The following SAMD12 variants were observed in gnomAD, a reference collection of about 807,000 sequenced individuals.
The protein encoded by SAMD12 is sterile alpha motif domain containing 12.
A neutral mutation model predicts 15.0 loss-of-function variants in SAMD12; 9 were observed. The ratio of observed to expected loss-of-function variants is 0.60; its 90% CI spans 0.36 to 1.05. The LOEUF (loss-of-function observed/expected upper bound fraction) is 1.05, where lower values mean the gene tolerates loss of function less well. SAMD12 is among the 50% of genes least tolerant of loss of function. The pLI is 0.01. For synonymous variants in SAMD12, 86 were observed against 90.1 expected (o/e 0.96, Z 0.25); for missense variants, 230 against 234.2 (o/e 0.98, Z 0.12).
chr8:118,234,965 TTG>T (rs1223035590), intron 4 of SAMD12, among the ~76,000 whole-genome samples: 4 of 152,170 alleles, frequency 2.6e-5, no homozygotes, highest in Non-Finnish European at 5.9e-5. Flanking sequence ...AAAATGTTCA[TTG>T]TTTGGCTGAT....
chr8:118,456,252 G>A (rs1823247055), intron 2 of SAMD12, among the ~76,000 whole-genome samples: 1 of 152,132 alleles, frequency 6.6e-6, no homozygotes, highest in Non-Finnish European at 1.5e-5. Context: ...TTTCTCAGAT[G>A]TTCTTGTGGC....
chr8:118,333,008 T>C (rs1449591201), intron 4 of SAMD12, among the ~76,000 whole-genome samples: 1 of 152,194 alleles, frequency 6.6e-6, no homozygotes, highest in Non-Finnish European at 1.5e-5. Flanking sequence ...AACATGGGAC[T>C]CTTGCAGGCA....
At chr8:118,538,505 G>A (rs560979114) in intron 2 of SAMD12, among the ~76,000 whole-genome samples, 1 of 152,132 alleles carries the variant, frequency 6.6e-6, no homozygotes, top group Non-Finnish European at 1.5e-5. Flanking sequence ...GTTGAGTTCT[G>A]CCTGGTATTG....
At chr8:118,281,762 C>A (rs1004530393) in intron 4 of SAMD12, among the ~76,000 whole-genome samples, 1 of 152,146 alleles carries the variant, frequency 6.6e-6, no homozygotes, top group Non-Finnish European at 1.5e-5. Flanking sequence ...GGTCCTCTAC[C>A]AAGTATGATT....
At chr8:118,515,163 C>A (rs941239593) in intron 2 of SAMD12, among the ~76,000 whole-genome samples, 1 of 150,300 alleles carries the variant, frequency 6.7e-6, no homozygotes, top group Non-Finnish European at 1.5e-5. Flanking sequence ...GGACTATAGG[C>A]GCCCGCCACC....
intron 2 of SAMD12, among the ~76,000 whole-genome samples, chr8:118,578,469 C>A (rs924458169): frequency 1.3e-5 from 2 of 152,126 alleles, no homozygotes. Context: ...TACTGAATGG[C>A]TTTAGAGGTA....
chr8:118,364,062 T>G (rs963951316), intron 4 of SAMD12, among the ~76,000 whole-genome samples: 1 of 152,208 alleles, frequency 6.6e-6, no homozygotes, highest in African/African-American at 2.4e-5. Context: ...TCTGAGACTT[T>G]AATGGTTTCC....
In SAMD12 at chr8:118,463,665, C is replaced by T. The variant is rs1395681996; in HGVS notation, c.193-23704G>A. 2.0e-5 allele frequency among the ~76,000 whole-genome samples: 3 copies of T among 152,162 alleles called. No individual in the cohort carries two copies. In the South Asian group the frequency reaches 6.2e-4, roughly 32 times the overall value. ...CTAGGCTGCTCCAACAAAGGCTAAG[C>T]CGGAAAAAACCCAGGTGGCAAAATC... is the stretch of plus-strand genomic sequence containing the variant. On this transcript the variant is annotated intron_variant, in intron 2 of 3. Coordinates refer to ENST00000314727, the MANE Select transcript of SAMD12 (RefSeq NM_207506.3).
Position 118,528,076 on chromosome 8 carries a change from G to C in SAMD12, c.192+52639C>G, listed in dbSNP as rs989416481. 2.6e-5 allele frequency among the ~76,000 whole-genome samples: 4 copies of C among 152,028 alleles called. No individual in the cohort carries two copies. In the East Asian group the frequency reaches 7.7e-4, roughly 29 times the overall value. On this transcript the variant is annotated intron_variant, in intron 2 of 3. Coordinates refer to ENST00000314727, the MANE Select transcript of SAMD12 (RefSeq NM_207506.3). Reference sequence around the variant, plus strand: ...GAGTCTCACTCTGTCGCCCAGGCTGGAATGCAGTGGCATGATCTCAGCTCA... The same window carrying C: ...GAGTCTCACTCTGTCGCCCAGGCTGCAATGCAGTGGCATGATCTCAGCTCA...
chr8:118,563,131 TGAGA>T (rs1290177789), intron 2 of SAMD12, among the ~76,000 whole-genome samples: 4 of 152,168 alleles, frequency 2.6e-5, no homozygotes, highest in Admixed American at 6.6e-5. Flanking sequence ...AGGATATAAC[TGAGA>T]GAGTCAGTCA....
chr8:118,523,975 C>T (rs1012098574), intron 2 of SAMD12, among the ~76,000 whole-genome samples: 6 of 152,124 alleles, frequency 3.9e-5, no homozygotes, highest in Admixed American at 2.0e-4. Context: ...ACTCTTTCCG[C>T]GTGTCCTCAA....
rs546692278 is a variant in SAMD12 at position 118,466,843 on chromosome 8, G to A, written c.193-26882C>T. On this transcript the variant is annotated intron_variant, in intron 2 of 3. Transcript: ENST00000314727. ...GTGTGTTAAGAAGGAAAATTAAACC[G>A]AAAATTAGATTCCCTGCCCACAAAT... Among the ~76,000 whole-genome samples, 11 of 152,270 alleles carry A rather than the reference G, an allele frequency of 7.2e-5. No individual in the cohort carries two copies. In the South Asian group the frequency reaches 1.2e-3, roughly 17 times the overall value.
chr8:118,240,885 C>G (rs536548291), intron 4 of SAMD12, among the ~76,000 whole-genome samples: 1 of 152,148 alleles, frequency 6.6e-6, no homozygotes, highest in East Asian at 1.9e-4. Flanking sequence ...TTCTCCTTGT[C>G]CACAAAATGC....
intron 2 of SAMD12, among the ~76,000 whole-genome samples, chr8:118,469,525 A>AAT (rs1554669443): frequency 0.29 from 365 of 1,280 alleles, 127 homozygotes; most frequent in Middle Eastern, 1. Context: ...TAATATATAT[A>AAT]ATATATTATA....
At chr8:118,618,888 T>G (rs191255526) in intron 1 of SAMD12, among the ~76,000 whole-genome samples, 1 of 151,506 alleles carries the variant, frequency 6.6e-6, no homozygotes, top group Admixed American at 6.6e-5. Context: ...AAAGCAGTAG[T>G]GAGCCCATTT....
chr8:118,362,922 A>T (rs1048881071), intron 4 of SAMD12, among the ~76,000 whole-genome samples: 2 of 152,176 alleles, frequency 1.3e-5, no homozygotes, highest in Admixed American at 1.3e-4. Flanking sequence ...TTGATTTCTT[A>T]GGGACCCAAT....
At chr8:118,231,247 A>G (rs971962657) in intron 4 of SAMD12, among the ~76,000 whole-genome samples, 1 of 152,162 alleles carries the variant, frequency 6.6e-6, no homozygotes, top group Non-Finnish European at 1.5e-5. Flanking sequence ...AAAGGAAGAA[A>G]GGAGTTTCCT....
At chr8:118,555,313 C>A (rs1401185343) in intron 2 of SAMD12, among the ~76,000 whole-genome samples, 1 of 152,108 alleles carries the variant, frequency 6.6e-6, no homozygotes, top group African/African-American at 2.4e-5. Flanking sequence ...GCTAATAAAA[C>A]AACTAAAACA....
At chr8:118,555,615 T>C (rs983128419) in intron 2 of SAMD12, among the ~76,000 whole-genome samples, 4 of 152,186 alleles carry the variant, frequency 2.6e-5, no homozygotes, top group Non-Finnish European at 5.9e-5. Flanking sequence ...CAAATCAATA[T>C]TTAAAAAATA....
Sources: allele counts gnomAD v4.1 joint callset (sites outside exome capture counted in the v4.1 genomes callset), GRCh38; gene constraint gnomAD v4.1.1; transcripts MANE v1.5; gene names NCBI Gene and HGNC (gene_info 2026-07-23, HGNC 2026-07-21).